The following NFASC variants were observed in gnomAD, a reference collection of about 807,000 sequenced individuals.
NFASC encodes neurofascin.
NFASC carries 43 observed loss-of-function variants against 147.5 expected under a neutral mutation model. The observed-to-expected ratio is 0.29, with a 90% CI of 0.23 to 0.38. NFASC has a LOEUF of 0.38. Among genes scored for constraint, NFASC ranks in the 10% least tolerant of loss-of-function variants. The pLI, the probability that NFASC is intolerant of heterozygous loss-of-function variation, is 1.00. For synonymous variants in NFASC, 622 were observed against 665.5 expected (o/e 0.93, Z 1.01); for missense variants, 1,320 against 1,689.0 (o/e 0.78, Z 3.83).
Position 204,997,210 on chromosome 1 carries a change from C to A in NFASC, c.2823C>A (p.Gly941=). The A allele has an allele frequency of 6.2e-7, 1 of 1,613,796 alleles. No individual in the cohort carries two copies. Among genetic ancestry groups the A allele is most frequent in the Non-Finnish European group, 8.5e-7 (1 of 1,179,770 alleles). The part of the protein sequence containing the change: ...TLPPTTVGAT[G]AVSSTDATAI... ...CCCCGACTACCGTGGGTGCGACGGG[C>A]GCTGTGAGCAGTACCGATGCTACTG... Residue 941 remains glycine, a synonymous_variant, in exon 25 of 30, where the codon GGC becomes GGA. Coordinates refer to ENST00000339876, the MANE Select transcript of NFASC (RefSeq NM_001005388.3).
intron 1 of NFASC, among the ~76,000 whole-genome samples, chr1:204,833,098 A>G (rs961131199): frequency 6.6e-6 from 1 of 152,240 alleles, no homozygotes; most frequent in Non-Finnish European, 1.5e-5. Flanking sequence ...GACATTGGTT[A>G]GATTGTGCCA....
intron 23 of NFASC, chr1:204,990,573 A>AG (rs1314362307): frequency 1.3e-5 from 2 of 150,822 alleles, no homozygotes; most frequent in African/African-American, 4.9e-5. Flanking sequence ...CAAAAAAAAA[A>AG]AAAAAAGAAA....
chr1:204,902,634 G>A (rs1434776937), intron 1 of NFASC, among the ~76,000 whole-genome samples: 1 of 152,198 alleles, frequency 6.6e-6, no homozygotes, highest in Non-Finnish European at 1.5e-5. Context: ...GAAAGGTGGG[G>A]TGTGGATGAA....
At position 204,987,619 on chromosome 1, in the gene NFASC, A is replaced by G; in HGVS notation, c.2593+79A>G. ...TCTCACCACTTTTCCTAAGGACTCA[A>G]GGTAGAAAGCCTGTGGGTGCAGATG... On this transcript the variant is annotated intron_variant, in intron 22 of 29. Transcript: ENST00000339876. The surrounding 1 kb of genome is among the most constrained non-coding windows in gnomAD (Gnocchi z 4.4). The G allele has an allele frequency of 6.4e-7, 1 of 1,555,160 alleles. No homozygotes were observed. Among genetic ancestry groups the G allele is most frequent in the Non-Finnish European group, 8.8e-7 (1 of 1,133,244 alleles).
At position 204,839,368 on chromosome 1, in the gene NFASC, AACACACACACACACACACACAC is replaced by A. The variant is rs55784616; in HGVS notation, c.-200+10615_-200+10636del. ...GGAGAGGAAAGGCAGGCACGTATGA[AACACACACACACACACACACAC>A]ACACACACACACACACACACACACA... On this transcript the variant is annotated intron_variant, in intron 1 of 29. Coordinates refer to ENST00000339876, the MANE Select transcript of NFASC (RefSeq NM_001005388.3). Among the ~76,000 whole-genome samples, 855 of 135,156 alleles carry A rather than the reference AACACACACACACACACACACAC, an allele frequency of 6.3e-3. 16 individuals carry two copies. Among genetic ancestry groups the A allele is most frequent in the African/African-American group, 0.022 (795 of 36,570 alleles). 88.7% of individuals were successfully genotyped at this position (135,156 alleles called of 152,430 possible).
chr1:204,888,356 C>T (rs528498379), intron 1 of NFASC, among the ~76,000 whole-genome samples: 1 of 152,296 alleles, frequency 6.6e-6, no homozygotes, highest in African/African-American at 2.4e-5. Flanking sequence ...TAGAATTGGG[C>T]AATACCTCAT....
In NFASC at chr1:204,981,989, A is replaced by G. The variant is rs952288873; in HGVS notation, c.2439A>G (p.Pro813=). The G allele has an allele frequency of 1.3e-6, 2 of 1,596,154 alleles. No individual in the cohort carries two copies. The highest frequency in any genetic ancestry group is 1.7e-6 in the Non-Finnish European group (2 of 1,171,424). The change falls in exon 21 of 30, where the codon CCA becomes CCG. Residue 813 remains proline, a synonymous_variant. Transcript: ENST00000339876. ...ATGACTTCGGGAAGGGCCCTGAGCC[A>G]GAGTCCGTCATCGGTTACTCCGGAG... The part of the protein sequence containing the change: ...AENDFGKGPE[P]ESVIGYSGED...
At chr1:204,869,834 G>A (rs1413688348) in intron 1 of NFASC, among the ~76,000 whole-genome samples, 1 of 152,152 alleles carries the variant, frequency 6.6e-6, no homozygotes, top group Non-Finnish European at 1.5e-5. Flanking sequence ...ATTTCCTGTA[G>A]TGATGGTTGT....
intron 1 of NFASC, among the ~76,000 whole-genome samples, chr1:204,849,431 G>C (rs78316809): frequency 1.2e-4 from 19 of 152,100 alleles, no homozygotes; most frequent in African/African-American, 4.3e-4. Context: ...GCACTGGGGG[G>C]GCTTGTTAGA....
At position 204,888,870 on chromosome 1, in the gene NFASC, G is replaced by A. The variant is rs540393623; in HGVS notation, c.-199-31762G>A. Reference sequence around the variant, plus strand: ...TTTCACCACAATCCAGCAGTCTGGGGATCCACCAACTCTAGGGAACCCTGT... The same window carrying A: ...TTTCACCACAATCCAGCAGTCTGGGAATCCACCAACTCTAGGGAACCCTGT... On this transcript the variant is annotated intron_variant, in intron 1 of 29. Transcript: ENST00000339876. Among the ~76,000 whole-genome samples, 3 of 152,310 alleles carry A rather than the reference G, an allele frequency of 2.0e-5. No homozygotes were observed. The South Asian group carries it at 6.2e-4, about 32-fold the overall frequency.
chr1:204,972,243 G>A (rs1044633573), intron 11 of NFASC, among the ~76,000 whole-genome samples: 2 of 152,180 alleles, frequency 1.3e-5, no homozygotes, highest in East Asian at 1.9e-4. Context: ...TCTTGAATGC[G>A]TTCATGTACT....
chr1:204,853,938 T>C (rs2075917588), intron 1 of NFASC, among the ~76,000 whole-genome samples: 1 of 152,116 alleles, frequency 6.6e-6, no homozygotes, highest in African/African-American at 2.4e-5. Context: ...GAGCTGATTG[T>C]GGGGGCTTCT....
intron 1 of NFASC, among the ~76,000 whole-genome samples, chr1:204,872,833 G>A (rs1430971860): frequency 6.6e-6 from 1 of 152,152 alleles, no homozygotes; most frequent in Non-Finnish European, 1.5e-5. Context: ...CTCCATGGTA[G>A]GCAGTTCTCT....
intron 1 of NFASC, among the ~76,000 whole-genome samples, chr1:204,837,476 C>T (rs1275084907): frequency 5.9e-5 from 9 of 152,090 alleles, no homozygotes; most frequent in Admixed American, 3.9e-4. Flanking sequence ...ATTTTTTTGG[C>T]ATTGGTGAGG....
In NFASC at chr1:204,968,368, C is replaced by A; in HGVS notation, c.818+8C>A. ...ATGCATCGCCTCCGGGGTGTATGTG[C>A]GGTTTGCAGCCCCTCTTCTAGCCAC... On this transcript the variant is annotated splice_region_variant and intron_variant, in intron 9 of 29. Coordinates refer to ENST00000339876, the MANE Select transcript of NFASC (RefSeq NM_001005388.3). The surrounding 1 kb of genome is among the most constrained non-coding windows in gnomAD (Gnocchi z 5.4). 1 of 1,604,306 alleles carries A rather than the reference C, an allele frequency of 6.2e-7. No homozygotes were observed. Among genetic ancestry groups the A allele is most frequent in the Non-Finnish European group, 8.5e-7 (1 of 1,171,084 alleles).
chr1:204,865,434 A>AG (rs929484282), intron 1 of NFASC, among the ~76,000 whole-genome samples: 2 of 152,166 alleles, frequency 1.3e-5, no homozygotes, highest in South Asian at 2.1e-4. Context: ...TCAATAAGGC[A>AG]GGGGGGACTA....
chr1:204,883,465 C>T (rs182263217), intron 1 of NFASC, among the ~76,000 whole-genome samples: 30 of 152,330 alleles, frequency 2.0e-4, no homozygotes, highest in African/African-American at 4.8e-4. Flanking sequence ...GCATCGACCC[C>T]GCTCTGTGGC....
intron 2 of NFASC, among the ~76,000 whole-genome samples, chr1:204,921,768 C>T (rs1227669610): frequency 1.3e-5 from 2 of 152,016 alleles, no homozygotes; most frequent in East Asian, 3.9e-4. Flanking sequence ...ATGAAGAGCC[C>T]TGCAGAGTGC....
In NFASC at chr1:205,016,674, G is replaced by A. The variant is rs1441946105; in HGVS notation, c.*135G>A. 1.4e-6 allele frequency: 1 copy of A among 724,672 alleles called. No individual in the cohort carries two copies. The highest frequency in any genetic ancestry group is 1.5e-5 in the South Asian group (1 of 67,506). The allele number at this position is 724,672 out of a possible 1,614,324, so 44.9% of individuals were successfully genotyped here. A position where few individuals can be genotyped will look rare whatever the true frequency, so the allele number is the denominator to read the frequency against. Reference sequence around the variant, plus strand: ...GTACGATATGGGGGTCTGCCAAGCTGTGAGGACCAGTAGCCACCAAGCCAC... The same window carrying A: ...GTACGATATGGGGGTCTGCCAAGCTATGAGGACCAGTAGCCACCAAGCCAC... On this transcript the variant is annotated 3_prime_UTR_variant, in exon 30 of 30. Coordinates refer to ENST00000339876, the MANE Select transcript of NFASC (RefSeq NM_001005388.3). This position sits in a 1 kb window ranked among gnomAD's most constrained non-coding sequence, Gnocchi z 5.1.
Sources: allele counts gnomAD v4.1 joint callset (sites outside exome capture counted in the v4.1 genomes callset), GRCh38; gene constraint gnomAD v4.1.1; non-coding constraint Gnocchi (gnomAD v3.1); transcripts MANE v1.5; gene names NCBI Gene and HGNC (gene_info 2026-07-23, HGNC 2026-07-21).